Variants in C1orf146 observed in about 807,000 individuals in gnomAD.
C1orf146 encodes the protein protein SPO16 homolog.
C1orf146 carries 22 observed loss-of-function variants against 23.0 expected under a neutral mutation model. That is an observed-to-expected ratio of 0.96 (90% confidence interval 0.68 to 1.36). The LOEUF (loss-of-function observed/expected upper bound fraction) is 1.36. Ranked by LOEUF, C1orf146 falls within the 40% of genes most tolerant of loss-of-function variation. C1orf146 has a pLI of 0.00. For missense variants in C1orf146, 199 were observed against 206.8 expected (o/e 0.96, Z 0.23); for synonymous variants, 59 against 65.3 (o/e 0.90, Z 0.47).
chr1:92,231,046 G>A (rs983230203), intron 1 of C1orf146, among the ~76,000 whole-genome samples: 4 of 152,116 alleles, frequency 2.6e-5, no homozygotes, highest in Non-Finnish European at 5.9e-5. Context: ...CTTTGTCTCT[G>A]AGTCTGTCTT....
intron 1 of C1orf146, among the ~76,000 whole-genome samples, chr1:92,225,399 A>C (rs1337052610): frequency 6.6e-6 from 1 of 152,140 alleles, no homozygotes; most frequent in Non-Finnish European, 1.5e-5. Flanking sequence ...GAGCCACTGC[A>C]CTCAGCCTAA....
At chr1:92,225,834 C>G (rs578038044) in intron 1 of C1orf146, among the ~76,000 whole-genome samples, 5 of 152,196 alleles carry the variant, frequency 3.3e-5, no homozygotes, top group Admixed American at 6.5e-5. Flanking sequence ...TATAGCCACT[C>G]CAGCTCTCTT....
intron 2 of C1orf146, among the ~76,000 whole-genome samples, chr1:92,237,417 A>T (rs1256995855): frequency 1.3e-5 from 2 of 152,226 alleles, no homozygotes; most frequent in Non-Finnish European, 2.9e-5. Flanking sequence ...TCTGCAGAAC[A>T]GTGGTTTTTT....
Position 92,231,363 on chromosome 1 carries a change from G to A in C1orf146, c.-39-19G>A. 8.6e-7 allele frequency: 1 copy of A among 1,162,700 alleles called. No homozygotes were observed. Among genetic ancestry groups the A allele is most frequent in the Non-Finnish European group, 1.2e-6 (1 of 802,318 alleles). 72.0% of individuals were successfully genotyped at this position (1,162,700 alleles called of 1,614,324 possible). ...CATCAGATATTTCTTTGCATTCTTT[G>A]TGTTCTTAATTTTCTCAGATTGTTG... is the stretch of plus-strand genomic sequence containing the variant. On this transcript the variant is annotated intron_variant, in intron 1 of 5. Coordinates refer to ENST00000370375, the MANE Select transcript of C1orf146 (RefSeq NM_001012425.2).
chr1:92,223,674 C>T (rs901706584), intron 1 of C1orf146, among the ~76,000 whole-genome samples: 6 of 152,070 alleles, frequency 3.9e-5, no homozygotes, highest in Non-Finnish European at 7.4e-5. Flanking sequence ...CTGTGGACTA[C>T]AGGTACGCAC....
chr1:92,245,718 G>A lies in C1orf146; in HGVS notation c.*44G>A, dbSNP rs1172476296. On this transcript the variant is annotated 3_prime_UTR_variant, in exon 6 of 6. Transcript: ENST00000370375. ...TTCTCGAAGAATGTGAAAATAATTAGACCTGTTAAATTATAATATTCAAAT... is the reference window on the plus strand; with the variant it reads ...TTCTCGAAGAATGTGAAAATAATTAAACCTGTTAAATTATAATATTCAAAT... The A allele has an allele frequency of 1.6e-6, 2 of 1,266,168 alleles. No individual in the cohort carries two copies. The highest frequency in any genetic ancestry group is 2.2e-6 in the Non-Finnish European group (2 of 914,874). The allele number at this position is 1,266,168 out of a possible 1,614,324, so 78.4% of individuals were successfully genotyped here. A position where few individuals can be genotyped will look rare whatever the true frequency, so the allele number is the denominator to read the frequency against.
chr1:92,218,767 G>A (rs1416553363), intron 1 of C1orf146, among the ~76,000 whole-genome samples: 1 of 151,830 alleles, frequency 6.6e-6, no homozygotes. Flanking sequence ...TTCACCTCCC[G>A]TTTAGAAGCT....
chr1:92,221,084 G>C (rs1292563146), intron 1 of C1orf146, among the ~76,000 whole-genome samples: 1 of 152,038 alleles, frequency 6.6e-6, no homozygotes, highest in Non-Finnish European at 1.5e-5. Flanking sequence ...GGAAAAAGCA[G>C]GAATTAAATT....
intron 2 of C1orf146, among the ~76,000 whole-genome samples, chr1:92,240,311 T>A (rs1420337363): frequency 6.6e-6 from 1 of 152,186 alleles, no homozygotes; most frequent in Non-Finnish European, 1.5e-5. Flanking sequence ...TCTGTGTAGA[T>A]CTTGGCCTTA....
Position 92,244,784 on chromosome 1 carries a change from T to C in C1orf146, c.335T>C (p.Leu112Pro), listed in dbSNP as rs1652539292. The C allele has an allele frequency of 6.3e-7, 1 of 1,598,734 alleles. No individual in the cohort carries two copies. Among genetic ancestry groups the C allele is most frequent in the East Asian group, 2.2e-5 (1 of 44,710 alleles). The change falls in exon 5 of 6, where the codon CTG becomes CCG. Residue 112 changes from leucine to proline, a missense_variant. Coordinates refer to ENST00000370375, the MANE Select transcript of C1orf146 (RefSeq NM_001012425.2). ...TAACATGAATTGTTTTTCAGATTCC[T>C]GGGTTGTAACTTACGAATACTTCCA... Reference protein sequence around the residue: ...KLMFRIQQRFLGCNLRILPVH... With the variant: ...KLMFRIQQRFPGCNLRILPVH...
chr1:92,220,193 CT>C (rs1431754037), intron 1 of C1orf146, among the ~76,000 whole-genome samples: 1 of 152,136 alleles, frequency 6.6e-6, no homozygotes, highest in Non-Finnish European at 1.5e-5. Context: ...GCCCTGGTTC[CT>C]TTTTTGGAGA....
At chr1:92,218,393 C>T (rs1651733917) in intron 1 of C1orf146, among the ~76,000 whole-genome samples, 1 of 151,944 alleles carries the variant, frequency 6.6e-6, no homozygotes, top group African/African-American at 2.4e-5. Context: ...GGAGACTGAG[C>T]AGGGAAAGTG....
intron 2 of C1orf146, among the ~76,000 whole-genome samples, chr1:92,233,323 C>T (rs1348719459): frequency 2.0e-5 from 3 of 150,992 alleles, no homozygotes; most frequent in Non-Finnish European, 3.0e-5. Context: ...CAGCTTTCTA[C>T]ATATGGCTAG....
intron 2 of C1orf146, among the ~76,000 whole-genome samples, chr1:92,235,968 T>C (rs576878850): frequency 6.6e-6 from 1 of 152,290 alleles, no homozygotes; most frequent in Admixed American, 6.5e-5. Context: ...GTTTGGTAGA[T>C]CTTCCTCCAT....
At chr1:92,227,983 C>G (rs1652011096) in intron 1 of C1orf146, among the ~76,000 whole-genome samples, 1 of 152,056 alleles carries the variant, frequency 6.6e-6, no homozygotes, top group Non-Finnish European at 1.5e-5. Flanking sequence ...TGGTCCTGCT[C>G]CATTCTCTTT....
At chr1:92,222,688 GC>G (rs1651860525) in intron 1 of C1orf146, among the ~76,000 whole-genome samples, 1 of 151,158 alleles carries the variant, frequency 6.6e-6, no homozygotes, top group Non-Finnish European at 1.5e-5. Flanking sequence ...CCGGGTTCAT[GC>G]CATTCTCCTG....
intron 1 of C1orf146, among the ~76,000 whole-genome samples, chr1:92,220,340 A>C (rs1252054762): frequency 6.6e-6 from 1 of 152,180 alleles, no homozygotes; most frequent in Non-Finnish European, 1.5e-5. Context: ...CTGGGTATAT[A>C]CACATACAGT....
At chr1:92,234,034 T>G (rs1363870801) in intron 2 of C1orf146, among the ~76,000 whole-genome samples, 3 of 152,242 alleles carry the variant, frequency 2.0e-5, no homozygotes, top group Non-Finnish European at 2.9e-5. Flanking sequence ...GTTTTCTAGA[T>G]ACACAATCAT....
At chr1:92,232,736 G>A (rs2100738106) in intron 2 of C1orf146, among the ~76,000 whole-genome samples, 1 of 150,482 alleles carries the variant, frequency 6.6e-6, no homozygotes, top group South Asian at 2.1e-4. Context: ...CAGTGTAAAA[G>A]TGTTCCTATT....
Sources: allele counts gnomAD v4.1 joint callset (sites outside exome capture counted in the v4.1 genomes callset), GRCh38; gene constraint gnomAD v4.1.1; transcripts MANE v1.5; gene names NCBI Gene and HGNC (gene_info 2026-07-23, HGNC 2026-07-21).